Variants in TNNT3 observed in about 807,000 individuals in gnomAD.
The protein encoded by TNNT3 is troponin T, fast skeletal muscle.
A neutral mutation model predicts 54.2 loss-of-function variants in TNNT3; 36 were observed. The ratio of observed to expected loss-of-function variants is 0.66; its 90% CI spans 0.51 to 0.88. TNNT3 has a LOEUF of 0.88. Among genes scored for constraint, TNNT3 ranks in the 40% least tolerant of loss-of-function variants. TNNT3 has a pLI of 0.00. For missense variants in TNNT3, 291 were observed against 331.6 expected (o/e 0.88, Z 0.95); for synonymous variants, 120 against 109.7 (o/e 1.09, Z -0.59).
chr11:1,936,766 T>C (rs552628038), intron 14 of TNNT3, among the ~76,000 whole-genome samples, 197 bp from the exon 15 acceptor site: 2 of 152,284 alleles, frequency 1.3e-5, no homozygotes, highest in South Asian at 4.1e-4. Context: ...AGTCCAGGCA[T>C]GAGCCCAGGG....
chr11:1,927,866 C>T (rs568204579), intron 6 of TNNT3: 1 of 152,526 alleles, frequency 6.6e-6, no homozygotes, highest in East Asian at 1.9e-4. Flanking sequence ...TCATCGTCCT[C>T]ACCGCGCTGT....
rs773390308 is a variant in TNNT3 at position 1,929,035 on chromosome 11, G to A, written c.83-85G>A. On this transcript the variant is annotated intron_variant, in intron 6 of 15. Coordinates refer to ENST00000278317, the MANE Select transcript of TNNT3 (RefSeq NM_006757.4). ...AGTGAGAGGGGTGGGCCCCTTGCCC[G>A]CCACAGGCCCCTTGCCCACTGCTCC... 49 of 1,521,506 alleles carry A rather than the reference G, an allele frequency of 3.2e-5. 1 individual carries two copies. Among genetic ancestry groups the A allele is most frequent in the East Asian group, 6.8e-5 (3 of 44,398 alleles). The allele number at this position is 1,521,506 out of a possible 1,614,324, so 94.3% of individuals were successfully genotyped here. A position where few individuals can be genotyped will look rare whatever the true frequency, so the allele number is the denominator to read the frequency against.
In TNNT3 at chr11:1,934,385, C is replaced by T; in HGVS notation, c.420C>T (p.Asp140=). Residue 140 remains aspartate, a synonymous_variant, in exon 12 of 16, where the codon GAC becomes GAT. Coordinates refer to ENST00000278317, the MANE Select transcript of TNNT3 (RefSeq NM_006757.4). ...EEDAKRRAED[D]LKKKKALSSM... ...ATGCCAAGAGGAGGGCAGAGGACGA[C>T]CTGAAGAAGAAGAAAGCTCTGTCTT... 2.5e-6 allele frequency: 4 copies of T among 1,613,896 alleles called. No homozygotes were observed. Among genetic ancestry groups the T allele is most frequent in the Middle Eastern group, 1.6e-4 (1 of 6,062 alleles).
At position 1,934,342 on chromosome 11, in the gene TNNT3, C is replaced by T; in HGVS notation, c.377C>T (p.Ala126Val). ...ERQNRLAEEKARREEEDAKRR... is the reference protein window; with the variant it reads ...ERQNRLAEEKVRREEEDAKRR... ...ATGGGGTCTCCACAGGAGGAAAAGG[C>T]CAGAAGGGAGGAGGAGGATGCCAAG... The change falls in exon 12 of 16, where the codon GCC becomes GTC. Residue 126 changes from alanine (A) to valine (V), a missense_variant. Ala to Val is a moderately conservative substitution (Grantham distance 64). Coordinates refer to ENST00000278317, the MANE Select transcript of TNNT3 (RefSeq NM_006757.4). 6.2e-7 allele frequency: 1 copy of T among 1,613,562 alleles called. No homozygotes were observed. Among genetic ancestry groups the T allele is most frequent in the Non-Finnish European group, 8.5e-7 (1 of 1,179,822 alleles).
intron 14 of TNNT3, 97 bp downstream of exon 14, chr11:1,935,016 C>A: frequency 8.4e-7 from 1 of 1,194,762 alleles, no homozygotes; most frequent in Non-Finnish European, 1.2e-6. Flanking sequence ...TGGACCTGCC[C>A]ACCCCAGGGA....
intron 1 of TNNT3, among the ~76,000 whole-genome samples, chr11:1,921,872 T>G (rs992740065): frequency 5.9e-5 from 9 of 152,212 alleles, no homozygotes; most frequent in Admixed American, 1.3e-4. Flanking sequence ...TCCCCAGGCC[T>G]GGCCGCCCAG....
At chr11:1,922,833 C>G (rs1464516851) in intron 1 of TNNT3, 24 bp from the exon 2 acceptor site, 3 of 1,607,072 alleles carry the variant, frequency 1.9e-6, no homozygotes, top group Non-Finnish European at 2.6e-6. Flanking sequence ...CTCTCTCTCT[C>G]TCTCTCTGAA....
At chr11:1,930,168 G>A (rs976907740) in intron 8 of TNNT3, among the ~76,000 whole-genome samples, 3 of 152,154 alleles carry the variant, frequency 2.0e-5, no homozygotes, top group Non-Finnish European at 4.4e-5. Context: ...TGTAGGAGGA[G>A]GCTGCAGACG....
chr11:1,929,809 G>C lies in TNNT3; in HGVS notation c.107-1G>C. On this transcript the variant is annotated splice_acceptor_variant, in intron 7 of 15. Transcript: ENST00000278317. LOFTEE classifies it high-confidence loss of function. ...CCCTACGCTGGTGCTGTGTGGACCA[G>C]AGGAGAAACCGAGACCCAAGTGAGT... The C allele has an allele frequency of 6.4e-7, 1 of 1,551,506 alleles. No homozygotes were observed. Among genetic ancestry groups the C allele is most frequent in the Non-Finnish European group, 8.7e-7 (1 of 1,147,128 alleles).
intron 8 of TNNT3, 84 bp downstream of exon 8, chr11:1,929,912 C>T (rs1301248130): frequency 4.0e-6 from 6 of 1,514,842 alleles, no homozygotes; most frequent in Admixed American, 3.9e-5. Context: ...CTGGCAGGCC[C>T]AGTGCCGAGT....
rs772732170 is a variant in TNNT3 at position 1,926,720 on chromosome 11, G to A, written c.82+11G>A. On this transcript the variant is annotated intron_variant, in intron 6 of 15. Coordinates refer to ENST00000278317, the MANE Select transcript of TNNT3 (RefSeq NM_006757.4). ...AGGAAGTTCAAGAAGGTACGCCGGCGCTCCCCCGCCTCCAGGCCAGAGTCT... is the reference window on the plus strand; with the variant it reads ...AGGAAGTTCAAGAAGGTACGCCGGCACTCCCCCGCCTCCAGGCCAGAGTCT... 10 of 1,612,908 alleles carry A rather than the reference G, an allele frequency of 6.2e-6. No individual in the cohort carries two copies. The highest frequency in any genetic ancestry group is 2.2e-5 in the East Asian group (1 of 44,896).
chr11:1,935,694 T>C, intron 14 of TNNT3: 1 of 187,174 alleles, frequency 5.3e-6, no homozygotes, highest in Non-Finnish European at 1.1e-5. Context: ...CACTCCAGCA[T>C]CACCATCAGG....
chr11:1,933,952 G>A lies in TNNT3; in HGVS notation c.310G>A (p.Ala104Thr). ...ERIEKRRAER[A>T]EQQRIRAEKE... ...GCAGGAGAAGCGCCGTGCAGAGAGA[G>A]CGGAGCAGCAGAGGATTCGTGCAGA... The change falls in exon 11 of 16, where the codon GCG (alanine) becomes ACG (threonine). Residue 104 changes from alanine (A) to threonine (T), a missense_variant. Ala to Thr is a moderately conservative substitution (Grantham distance 58). Coordinates refer to ENST00000278317, the MANE Select transcript of TNNT3 (RefSeq NM_006757.4). The A allele has an allele frequency of 6.2e-7, 1 of 1,612,806 alleles. No homozygotes were observed. The highest frequency in any genetic ancestry group is 8.5e-7 in the Non-Finnish European group (1 of 1,179,986).
chr11:1,929,304 C>T (rs1435980141), intron 7 of TNNT3, among the ~76,000 whole-genome samples, 161 bp downstream of exon 7: 1 of 152,224 alleles, frequency 6.6e-6, no homozygotes, highest in Admixed American at 6.5e-5. Flanking sequence ...CCTTGCTGCT[C>T]CGCACGGTGC....
intron 15 of TNNT3, among the ~76,000 whole-genome samples, chr11:1,937,243 A>G (rs1029473927): frequency 9.9e-5 from 15 of 152,030 alleles, no homozygotes; most frequent in Middle Eastern, 3.2e-3. Context: ...AGGGATCCCA[A>G]TGGGGCTTGC....
chr11:1,936,681 C>T (rs970643213), intron 14 of TNNT3, among the ~76,000 whole-genome samples: 10 of 152,232 alleles, frequency 6.6e-5, no homozygotes, highest in Non-Finnish European at 1.0e-4. Context: ...CACATCCTGC[C>T]GCAGGCTGAA....
chr11:1,928,240 G>A (rs643753), intron 6 of TNNT3, among the ~76,000 whole-genome samples: 50,058 of 152,202 alleles, frequency 0.33, 9,543 homozygotes, highest in East Asian at 0.64. Context: ...GAAGGGACAG[G>A]ATGGGCGGGT....
At chr11:1,928,585 T>G (rs1406062354) in intron 6 of TNNT3, among the ~76,000 whole-genome samples, 3 of 151,818 alleles carry the variant, frequency 2.0e-5, no homozygotes, top group Non-Finnish European at 1.5e-5. Context: ...CAGCAAGGAG[T>G]TAGACATCAC....
At chr11:1,926,005 C>G (rs542783012) in intron 5 of TNNT3, among the ~76,000 whole-genome samples, 44 of 152,302 alleles carry the variant, frequency 2.9e-4, no homozygotes, top group South Asian at 6.2e-4. Flanking sequence ...CATGGCCCAT[C>G]CATGGCTCTG....
Sources: gnomAD v4.1 joint callset for allele counts (sites outside exome capture counted in the v4.1 genomes callset) on GRCh38, gnomAD v4.1.1 for gene constraint, MANE v1.5 for transcripts, NCBI Gene and HGNC (gene_info 2026-07-23, HGNC 2026-07-21) for gene names.